Variants in LRMDA observed in about 807,000 individuals in gnomAD.
LRMDA encodes the protein leucine-rich melanocyte differentiation-associated protein.
In LRMDA, 18 loss-of-function variants were observed where a neutral mutation model predicts 29.8. That is an observed-to-expected ratio of 0.60 (90% confidence interval 0.42 to 0.90). The LOEUF (loss-of-function observed/expected upper bound fraction) is 0.90. Ranked by LOEUF, LRMDA falls within the 40% of genes least tolerant of loss-of-function variation. The pLI, the probability that LRMDA is intolerant of heterozygous loss-of-function variation, is 0.00. For missense variants in LRMDA, 273 were observed against 273.9 expected, an observed-to-expected ratio of 1.00 and a Z score of 0.02; for synonymous variants, 125 against 109.4, an observed-to-expected ratio of 1.14 and a Z score of -0.89.
At chr10:76,232,003 A>G (rs895948504) in intron 5 of LRMDA, among the ~76,000 whole-genome samples, 1 of 152,268 alleles carries the variant, frequency 6.6e-6, no homozygotes, top group Non-Finnish European at 1.5e-5. Flanking sequence ...ATTCTTGGCT[A>G]TTTCTTCTAT....
chr10:75,773,109 T>C (rs955185252), intron 2 of LRMDA, among the ~76,000 whole-genome samples: 1 of 152,166 alleles, frequency 6.6e-6, no homozygotes, highest in African/African-American at 2.4e-5. Flanking sequence ...TAGAAAATTG[T>C]TTGTTATGGG....
At chr10:76,228,556 TG>T (rs1305593427) in intron 5 of LRMDA, among the ~76,000 whole-genome samples, 1 of 152,046 alleles carries the variant, frequency 6.6e-6, no homozygotes, top group Non-Finnish European at 1.5e-5. Flanking sequence ...GCTGATTGGT[TG>T]GGGCAAAGAT....
chr10:75,534,729 C>G (rs1051950876), intron 2 of LRMDA, among the ~76,000 whole-genome samples: 1 of 152,182 alleles, frequency 6.6e-6, no homozygotes, highest in Non-Finnish European at 1.5e-5. Flanking sequence ...AACCTTGACT[C>G]AAACCACCAA....
intron 6 of LRMDA, among the ~76,000 whole-genome samples, chr10:76,482,064 T>G (rs1842737966): frequency 6.6e-6 from 1 of 151,998 alleles, no homozygotes; most frequent in South Asian, 2.1e-4. Context: ...CCTGTCCAAT[T>G]TTTTCTCTTC....
chr10:75,551,579 T>C (rs1840151197), intron 2 of LRMDA, among the ~76,000 whole-genome samples: 1 of 151,738 alleles, frequency 6.6e-6, no homozygotes, highest in South Asian at 2.1e-4. Flanking sequence ...TGAGAACATG[T>C]GGTGTTTGGT....
At chr10:76,141,950 T>C (rs901214286) in intron 5 of LRMDA, among the ~76,000 whole-genome samples, 2 of 152,136 alleles carry the variant, frequency 1.3e-5, no homozygotes, top group African/African-American at 4.8e-5. Flanking sequence ...GTTTGAATCG[T>C]GGATGCATTT....
At chr10:75,915,165 C>T (rs907471203) in intron 2 of LRMDA, among the ~76,000 whole-genome samples, 1 of 122,342 alleles carries the variant, frequency 8.2e-6, no homozygotes, top group Non-Finnish European at 1.6e-5. Flanking sequence ...AGAGTATTGC[C>T]CTGTCACCCA....
At chr10:76,132,614 A>C (rs1850012982) in intron 5 of LRMDA, among the ~76,000 whole-genome samples, 1 of 152,188 alleles carries the variant, frequency 6.6e-6, no homozygotes, top group Non-Finnish European at 1.5e-5. Flanking sequence ...TACCAAAAGC[A>C]AAGATTTCTG....
At chr10:76,129,717 G>T (rs1849951517) in intron 5 of LRMDA, among the ~76,000 whole-genome samples, 3 of 152,116 alleles carry the variant, frequency 2.0e-5, no homozygotes, top group Admixed American at 6.5e-5. Flanking sequence ...TACCAGTGGG[G>T]TTCTGTTTCT....
chr10:76,459,474 T>G (rs1448540170), intron 6 of LRMDA, among the ~76,000 whole-genome samples: 1 of 152,216 alleles, frequency 6.6e-6, no homozygotes, highest in African/African-American at 2.4e-5. Flanking sequence ...GATTTTGCCC[T>G]CTGTTTTGTA....
chr10:76,219,761 T>C (rs967593213), intron 5 of LRMDA, among the ~76,000 whole-genome samples: 152 of 152,228 alleles, frequency 1.0e-3, no homozygotes, highest in African/African-American at 3.5e-3. Context: ...CTGCACCAAG[T>C]GGACCTAATA....
At chr10:75,523,136 A>C (rs372164729) in intron 2 of LRMDA, among the ~76,000 whole-genome samples, 2 of 152,176 alleles carry the variant, frequency 1.3e-5, no homozygotes, top group African/African-American at 4.8e-5. Context: ...TTGGAAAGCA[A>C]ATGGAGTAAT....
At chr10:75,645,438 G>C (rs1477957142) in intron 2 of LRMDA, among the ~76,000 whole-genome samples, 1 of 152,094 alleles carries the variant, frequency 6.6e-6, no homozygotes, top group Non-Finnish European at 1.5e-5. Flanking sequence ...CTTGTGGGTG[G>C]TAGAAGAGGC....
At chr10:75,808,811 T>C (rs1394767839) in intron 2 of LRMDA, among the ~76,000 whole-genome samples, 2 of 152,130 alleles carry the variant, frequency 1.3e-5, no homozygotes, top group African/African-American at 4.8e-5. Flanking sequence ...CCTGGCCTGA[T>C]GGTCATACTT....
intron 5 of LRMDA, among the ~76,000 whole-genome samples, chr10:76,161,280 A>G (rs1850642957): frequency 6.6e-6 from 1 of 152,202 alleles, no homozygotes; most frequent in African/African-American, 2.4e-5. Context: ...AGCCAAAATC[A>G]TGGTTCCTAA....
intron 2 of LRMDA, among the ~76,000 whole-genome samples, chr10:75,700,861 A>G (rs1842299409): frequency 1.3e-5 from 2 of 152,158 alleles, no homozygotes; most frequent in South Asian, 4.1e-4. Context: ...GGCTGATAGT[A>G]GGGCTTAGCT....
chr10:75,737,712 G>A (rs1842783077), intron 2 of LRMDA, among the ~76,000 whole-genome samples: 1 of 152,126 alleles, frequency 6.6e-6, no homozygotes, highest in African/African-American at 2.4e-5. Context: ...GTTCTTCGGT[G>A]CTGATAATTA....
intron 2 of LRMDA, among the ~76,000 whole-genome samples, chr10:75,631,175 T>G (rs1841316795): frequency 6.6e-6 from 1 of 152,126 alleles, no homozygotes; most frequent in Non-Finnish European, 1.5e-5. Context: ...TCTCATTGAT[T>G]ATCACTGAAC....
chr10:75,676,702 T>C (rs1841964037), intron 2 of LRMDA, among the ~76,000 whole-genome samples: 1 of 152,202 alleles, frequency 6.6e-6, no homozygotes, highest in Admixed American at 6.5e-5. Flanking sequence ...CCAGTTTCTT[T>C]TGAATGACAC....
Sources: gnomAD v4.1 joint callset for allele counts (sites outside exome capture counted in the v4.1 genomes callset) on GRCh38, gnomAD v4.1.1 for gene constraint, MANE v1.5 for transcripts, NCBI Gene and HGNC (gene_info 2026-07-23, HGNC 2026-07-21) for gene names.